COL11A1: variants seen among roughly 807,000 people sequenced by gnomAD.
COL11A1 encodes collagen type XI alpha 1 chain.
Under a neutral mutation model 265.2 loss-of-function variants are expected in COL11A1, and 74 were observed. The observed-to-expected ratio is 0.28, with a 90% CI of 0.23 to 0.34. The LOEUF is 0.34. COL11A1 is among the 10% of genes least tolerant of loss of function. The pLI is 1.00. For synonymous variants in COL11A1, 816 were observed against 727.6 expected (o/e 1.12, Z -1.96); for missense variants, 2,165 against 2,263.6 (o/e 0.96, Z 0.88).
chr1:102,894,841 T>C lies in COL11A1; in HGVS notation c.4302+3284A>G, dbSNP rs1173334325. ...CCCAGGCTGGAGTGCAATGGTGTGA[T>C]CTTGGCTTACTGAAACCTCCGCCTC... is the stretch of plus-strand genomic sequence containing the variant. On this transcript the variant is annotated intron_variant, in intron 57 of 66. Coordinates refer to ENST00000370096, the MANE Select transcript of COL11A1 (RefSeq NM_001854.4). Among the ~76,000 whole-genome samples the C allele has an allele frequency of 3.9e-5, 6 of 152,110 alleles. No individual in the cohort carries two copies. The South Asian group carries it at 1.0e-3, about 26-fold the overall frequency.
intron 15 of COL11A1, 68 bp from the exon 16 acceptor site, chr1:103,006,383 A>C: frequency 8.1e-7 from 1 of 1,236,332 alleles, no homozygotes; most frequent in Non-Finnish European, 1.1e-6. Flanking sequence ...TAGCATCAAG[A>C]GAGATGGTTT....
At chr1:102,917,612 A>C (rs1006433138) in intron 49 of COL11A1, among the ~76,000 whole-genome samples, 1 of 151,918 alleles carries the variant, frequency 6.6e-6, no homozygotes, top group Non-Finnish European at 1.5e-5. Context: ...AATAGTTGAA[A>C]TATTTCGTAG....
chr1:102,976,881 T>TA (rs1345496782), intron 35 of COL11A1, among the ~76,000 whole-genome samples: 2 of 152,146 alleles, frequency 1.3e-5, no homozygotes, highest in Non-Finnish European at 2.9e-5. Flanking sequence ...TTGGTAACCT[T>TA]AGACCTAACT....
intron 4 of COL11A1, among the ~76,000 whole-genome samples, chr1:103,071,380 C>T (rs2102263511): frequency 6.8e-6 from 1 of 146,384 alleles, no homozygotes; most frequent in East Asian, 2.0e-4. Context: ...ACAAGCAATA[C>T]AACTTTTCTA....
At chr1:103,019,121 A>C (rs1666790001) in intron 9 of COL11A1, among the ~76,000 whole-genome samples, 2 of 152,202 alleles carry the variant, frequency 1.3e-5, no homozygotes, top group African/African-American at 4.8e-5. Flanking sequence ...AAAGGAGAAT[A>C]TGCTAAGTGC....
Position 102,987,837 on chromosome 1 carries a change from T to C in COL11A1, c.2395-97A>G, listed in dbSNP as rs953459156. On this transcript the variant is annotated intron_variant, in intron 29 of 66. Coordinates refer to ENST00000370096, the MANE Select transcript of COL11A1 (RefSeq NM_001854.4). Reference sequence around the variant, plus strand: ...TGACAGTGAAAGAGATCTGATATAATAAACTCCATCTTGCCTTTTACCTTC... The same window carrying C: ...TGACAGTGAAAGAGATCTGATATAACAAACTCCATCTTGCCTTTTACCTTC... The C allele has an allele frequency of 1.5e-5, 13 of 881,414 alleles. No homozygotes were observed. In the African/African-American group the frequency reaches 1.8e-4, roughly 12 times the overall value. The allele number at this position is 881,414 out of a possible 1,614,324, so 54.6% of individuals were successfully genotyped here. A position where few individuals can be genotyped will look rare whatever the true frequency, so the allele number is the denominator to read the frequency against.
rs185092171 is a variant in COL11A1, at chr1:102,965,305, G to T, written c.2916+182C>A. Among the ~76,000 whole-genome samples, 251 of 152,212 alleles carry T rather than the reference G, an allele frequency of 1.6e-3. 1 individual carries two copies. The highest frequency in any genetic ancestry group is 0.01 in the Middle Eastern group (3 of 294). ...TACAGGCAATTGAAAAGTTGCTTTAGTTAGGTAATAGTTTGTTGGTTTCAT... is the reference window on the plus strand; with the variant it reads ...TACAGGCAATTGAAAAGTTGCTTTATTTAGGTAATAGTTTGTTGGTTTCAT... On this transcript the variant is annotated intron_variant, in intron 38 of 66. Transcript: ENST00000370096.
intron 1 of COL11A1, among the ~76,000 whole-genome samples, chr1:103,094,790 C>G (rs192528422): frequency 6.6e-6 from 1 of 151,948 alleles, no homozygotes; most frequent in African/African-American, 2.4e-5. Flanking sequence ...TTTATTTTGT[C>G]AATAAGGCTT....
At chr1:102,924,771 G>C (rs1676488) in intron 46 of COL11A1, among the ~76,000 whole-genome samples, 12,218 of 152,048 alleles carry the variant, frequency 0.08, 1,074 homozygotes, top group African/African-American at 0.21. Flanking sequence ...GTAGTGGAAT[G>C]TTATGTGACT....
rs780698415 is a variant in COL11A1, at chr1:103,078,810, C to T, written c.336G>A (p.Gln112=). 6 of 1,612,144 alleles carry T rather than the reference C, an allele frequency of 3.7e-6. No homozygotes were observed. The change falls in exon 3 of 67, where the codon CAG becomes CAA. Residue 112 remains glutamine, a synonymous_variant. Coordinates refer to ENST00000370096, the MANE Select transcript of COL11A1 (RefSeq NM_001854.4). The part of the protein sequence containing the change: ...LFTVKPKKGI[Q]SFLLSIYNEH... Reference sequence around the variant, plus strand: ...CATTATATATAGATAAAAGGAAAGACTGAATTCCTTTTTTTGGTTTTACTG... The same window carrying T: ...CATTATATATAGATAAAAGGAAAGATTGAATTCCTTTTTTTGGTTTTACTG...
At chr1:102,997,194 T>A in intron 25 of COL11A1, 70 bp from the exon 26 acceptor site, 1 of 1,311,886 alleles carries the variant, frequency 7.6e-7, no homozygotes, top group Non-Finnish European at 1.1e-6. Context: ...CGAAAGTATT[T>A]CTTTTGTTAT....
At chr1:102,898,026 C>A in intron 57 of COL11A1, 99 bp downstream of exon 57, 1 of 656,974 alleles carries the variant, frequency 1.5e-6, no homozygotes, top group South Asian at 1.9e-5. Context: ...AGAAAAAATA[C>A]AAACCTATTT....
chr1:102,921,446 A>G, intron 48 of COL11A1, 72 bp downstream of exon 48: 1 of 1,245,744 alleles, frequency 8.0e-7, no homozygotes, highest in Non-Finnish European at 1.2e-6. Flanking sequence ...ATAACTCACA[A>G]AGAGCATCTG....
chr1:103,004,308 G>C (rs572458857), intron 20 of COL11A1, 136 bp downstream of exon 20: 1 of 646,112 alleles, frequency 1.5e-6, no homozygotes, highest in Non-Finnish European at 2.7e-6. Context: ...AATTTTTTTC[G>C]CATGGCAATT....
chr1:102,908,384 T>C (rs987895426), intron 54 of COL11A1, among the ~76,000 whole-genome samples: 8 of 152,252 alleles, frequency 5.3e-5, no homozygotes, highest in Non-Finnish European at 1.2e-4. Context: ...GAAATTTCAA[T>C]GGTCATATAT....
chr1:103,048,263 T>C (rs560071980), intron 4 of COL11A1, among the ~76,000 whole-genome samples: 2 of 152,338 alleles, frequency 1.3e-5, no homozygotes, highest in East Asian at 3.9e-4. Context: ...AGCTATTGAT[T>C]ATTGCCTTAA....
At position 102,984,144 on chromosome 1, in the gene COL11A1, A is replaced by G; in HGVS notation, c.2550T>C (p.Gly850=). 1 of 1,600,382 alleles carries G rather than the reference A, an allele frequency of 6.2e-7. No individual in the cohort carries two copies. The highest frequency in any genetic ancestry group is 8.6e-7 in the Non-Finnish European group (1 of 1,169,220). ...PGLPGYPGRQ[G]PKGSTGFPGF... Reference sequence around the variant, plus strand: ...AAATATCAAGCTGTTTTACCTTTGGACCTTGTCTTCCTGGATATCCTGGTA... The same window carrying G: ...AAATATCAAGCTGTTTTACCTTTGGGCCTTGTCTTCCTGGATATCCTGGTA... Residue 850 remains glycine (G), a synonymous_variant, in exon 31 of 67, where the codon GGT becomes GGC. Coordinates refer to ENST00000370096, the MANE Select transcript of COL11A1 (RefSeq NM_001854.4).
intron 4 of COL11A1, among the ~76,000 whole-genome samples, chr1:103,049,351 T>G (rs978966425): frequency 7.2e-5 from 11 of 152,220 alleles, no homozygotes; most frequent in Admixed American, 1.3e-4. Context: ...TACCATTATG[T>G]AATGGCCTTC....
chr1:102,970,800 G>T (rs556419772), intron 36 of COL11A1, among the ~76,000 whole-genome samples: 1 of 151,978 alleles, frequency 6.6e-6, no homozygotes, highest in Non-Finnish European at 1.5e-5. Flanking sequence ...AGGATCAAGA[G>T]GTCAGAGGAT....
Sources: allele counts gnomAD v4.1 joint callset (sites outside exome capture counted in the v4.1 genomes callset), GRCh38; gene constraint gnomAD v4.1.1; transcripts MANE v1.5; gene names NCBI Gene and HGNC (gene_info 2026-07-23, HGNC 2026-07-21).